The following KLHL36 variants were observed in gnomAD, a reference collection of about 807,000 sequenced individuals.
KLHL36 encodes the protein kelch-like protein 36.
A neutral mutation model predicts 53.3 loss-of-function variants in KLHL36; 35 were observed. The ratio of observed to expected loss-of-function variants is 0.66; its 90% CI spans 0.50 to 0.87. The LOEUF (loss-of-function observed/expected upper bound fraction) is 0.87, where lower values mean the gene tolerates loss of function less well. KLHL36 is among the 40% of genes least tolerant of loss of function. The pLI is 0.00. For synonymous variants in KLHL36, 472 were observed against 398.9 expected (o/e 1.18, Z -2.18); for missense variants, 864 against 897.6 (o/e 0.96, Z 0.48).
chr16:84,652,666 C>T (rs191205249), intron 2 of KLHL36, among the ~76,000 whole-genome samples: 2 of 152,218 alleles, frequency 1.3e-5, no homozygotes, highest in African/African-American at 4.8e-5. Flanking sequence ...AAACAGAATA[C>T]TACCAAACCC....
intron 3 of KLHL36, chr16:84,658,838 T>C (rs1432037646): frequency 1.3e-5 from 2 of 152,156 alleles, no homozygotes; most frequent in African/African-American, 2.4e-5. Flanking sequence ...AGCTGACCTT[T>C]TGATTTTACT....
In KLHL36 at chr16:84,663,168, C is replaced by T. The variant is rs556463476; in HGVS notation, c.*1035C>T. 3.9e-5 allele frequency: 6 copies of T among 152,370 alleles called. No individual in the cohort carries two copies. The highest frequency in any genetic ancestry group is 1.4e-4 in the African/African-American group (6 of 41,574). The allele number at this position is 152,370 out of a possible 1,614,324, so 9.4% of individuals were successfully genotyped here. On this transcript the variant is annotated 3_prime_UTR_variant, in exon 5 of 5. Coordinates refer to ENST00000564996, the MANE Select transcript of KLHL36 (RefSeq NM_024731.4). ...GGGCTCCCTAACTCCCACGCCAGGT[C>T]CTGCCCCAGTTTTCTGCTTCTAAGT...
At chr16:84,653,226 A>C (rs1216093890) in intron 2 of KLHL36, among the ~76,000 whole-genome samples, 2 of 152,078 alleles carry the variant, frequency 1.3e-5, no homozygotes, top group Non-Finnish European at 2.9e-5. Flanking sequence ...CAAAAAAAAA[A>C]AGTGTTGTTC....
At chr16:84,652,554 C>A (rs939452397) in intron 2 of KLHL36, among the ~76,000 whole-genome samples, 16 of 152,328 alleles carry the variant, frequency 1.1e-4, no homozygotes, top group African/African-American at 3.1e-4. Flanking sequence ...CAGGCGCGAG[C>A]CACCATGACT....
At chr16:84,651,195 G>C (rs1906852709) in intron 2 of KLHL36, among the ~76,000 whole-genome samples, 1 of 152,116 alleles carries the variant, frequency 6.6e-6, no homozygotes, top group Admixed American at 6.6e-5. Context: ...GTGACAACTT[G>C]ACTCATTCGT....
chr16:84,667,309 C>T lies in KLHL36; in HGVS notation c.*5176C>T, dbSNP rs1300917225. On this transcript the variant is annotated 3_prime_UTR_variant, in exon 5 of 5. Coordinates refer to ENST00000564996, the MANE Select transcript of KLHL36 (RefSeq NM_024731.4). ...AAATCATCAACCACTAGCCCCCTTT[C>T]AAAATCAGCGAGATATTTGATGATT... The T allele has an allele frequency of 6.6e-6, 1 of 152,192 alleles. No individual in the cohort carries two copies. The highest frequency in any genetic ancestry group is 1.9e-4 in the East Asian group (1 of 5,200). The allele number at this position is 152,192 out of a possible 1,614,324, so 9.4% of individuals were successfully genotyped here.
chr16:84,660,264 T>C (rs1367670694), intron 4 of KLHL36, among the ~76,000 whole-genome samples: 1 of 152,162 alleles, frequency 6.6e-6, no homozygotes, highest in African/African-American at 2.4e-5. Context: ...GTGCTAGATC[T>C]AAGCCTCAGG....
chr16:84,662,252 A>G lies in KLHL36; in HGVS notation c.*119A>G. 2 of 907,240 alleles carry G rather than the reference A, an allele frequency of 2.2e-6. No individual in the cohort carries two copies. Among genetic ancestry groups the G allele is most frequent in the Non-Finnish European group, 3.2e-6 (2 of 620,470 alleles). The allele number at this position is 907,240 out of a possible 1,614,324, so 56.2% of individuals were successfully genotyped here. A position where few individuals can be genotyped will look rare whatever the true frequency, so the allele number is the denominator to read the frequency against. ...CAACTTAGCAGCTTTTTTTACTTTTATGATTCTTGGTATTTCTATGATATC... is the reference window on the plus strand; with the variant it reads ...CAACTTAGCAGCTTTTTTTACTTTTGTGATTCTTGGTATTTCTATGATATC... On this transcript the variant is annotated 3_prime_UTR_variant, in exon 5 of 5. Coordinates refer to ENST00000564996, the MANE Select transcript of KLHL36 (RefSeq NM_024731.4).
chr16:84,653,945 G>A (rs1269136697), intron 2 of KLHL36, among the ~76,000 whole-genome samples: 3 of 152,058 alleles, frequency 2.0e-5, no homozygotes, highest in African/African-American at 7.2e-5. Flanking sequence ...ATTGTACCCG[G>A]GTACAGCATC....
chr16:84,653,670 GTC>G (rs1907034157), intron 2 of KLHL36, among the ~76,000 whole-genome samples: 1 of 151,964 alleles, frequency 6.6e-6, no homozygotes, highest in Admixed American at 6.6e-5. Context: ...GCAAAACCCT[GTC>G]TCTACTAAAA....
In KLHL36 at chr16:84,666,346, C is replaced by T. The variant is rs553935797; in HGVS notation, c.*4213C>T. 6.6e-6 allele frequency: 1 copy of T among 152,276 alleles called. No individual in the cohort carries two copies. Among genetic ancestry groups the T allele is most frequent in the Admixed American group, 6.5e-5 (1 of 15,300 alleles). The allele number at this position is 152,276 out of a possible 1,614,324, so 9.4% of individuals were successfully genotyped here. On this transcript the variant is annotated 3_prime_UTR_variant, in exon 5 of 5. Transcript: ENST00000564996. ...TGTCTTGGATCTTGCCCTTCTCCATCGCTGATGTGATACAGCTCTAGAATT... is the reference window on the plus strand; with the variant it reads ...TGTCTTGGATCTTGCCCTTCTCCATTGCTGATGTGATACAGCTCTAGAATT...
At chr16:84,655,801 G>C (rs1597217123) in intron 2 of KLHL36, among the ~76,000 whole-genome samples, 2 of 151,938 alleles carry the variant, frequency 1.3e-5, no homozygotes, top group South Asian at 2.1e-4. Context: ...CTTCAGGCTA[G>C]TGCCCAGCCA....
chr16:84,657,507 A>G lies in KLHL36; in HGVS notation c.700A>G (p.Asn234Asp). The change falls in exon 3 of 5, where the codon AAC becomes GAC. Residue 234 changes from asparagine (N) to aspartate (D), a missense_variant. Physicochemically the swap from Asn to Asp is conservative, Grantham distance 23. Transcript: ENST00000564996. ...GGCCCACGCCCGCCAGGTGCTGGAG[A>G]ACATCCACTTCCCGCTCATCCCCAA... ...REAHARQVLE[N>D]IHFPLIPKND... 1 of 1,609,290 alleles carries G rather than the reference A, an allele frequency of 6.2e-7. No individual in the cohort carries two copies. Among genetic ancestry groups the G allele is most frequent in the East Asian group, 2.2e-5 (1 of 44,854 alleles).
In KLHL36 at chr16:84,667,215, C is replaced by T. The variant is rs1179403263; in HGVS notation, c.*5082C>T. On this transcript the variant is annotated 3_prime_UTR_variant, in exon 5 of 5. Coordinates refer to ENST00000564996, the MANE Select transcript of KLHL36 (RefSeq NM_024731.4). ...AGGACACTCCACCTTTTCAAAGGTA[C>T]TTAAAGCCATCTTTACAGATTGCTT... The T allele has an allele frequency of 6.6e-6, 1 of 152,144 alleles. No homozygotes were observed. The highest frequency in any genetic ancestry group is 1.5e-5 in the Non-Finnish European group (1 of 68,040). The allele number at this position is 152,144 out of a possible 1,614,324, so 9.4% of individuals were successfully genotyped here. A position where few individuals can be genotyped will look rare whatever the true frequency, so the allele number is the denominator to read the frequency against.
chr16:84,653,444 ACT>A (rs1215688387), intron 2 of KLHL36, among the ~76,000 whole-genome samples: 1 of 151,778 alleles, frequency 6.6e-6, no homozygotes, highest in African/African-American at 2.4e-5. Flanking sequence ...AAATGCGGAA[ACT>A]CTGTTACCAA....
intron 2 of KLHL36, among the ~76,000 whole-genome samples, chr16:84,653,285 G>A (rs537528385): frequency 2.2e-4 from 34 of 152,076 alleles, no homozygotes; most frequent in Middle Eastern, 3.4e-3. Flanking sequence ...GGTACCTGCC[G>A]CCTCCTCCCA....
In KLHL36 at chr16:84,661,880, T is replaced by C. The variant is rs1374070291; in HGVS notation, c.1598T>C (p.Leu533Pro). Residue 533 changes from leucine (L) to proline (P), a missense_variant, in exon 5 of 5, where the codon CTG becomes CCG. By Grantham distance (98) the Leu-to-Pro change is moderately conservative (BLOSUM62 -3). Coordinates refer to ENST00000564996, the MANE Select transcript of KLHL36 (RefSeq NM_024731.4). The surrounding 1 kb of genome is among the most constrained non-coding windows in gnomAD (Gnocchi z 7.9). ...CAGTGGACCCGCGTGGCGCCGCTGC[T>C]GCACGCCAACAGCGAGTCGGGCGTG... ...CNQWTRVAPL[L>P]HANSESGVAV... The C allele has an allele frequency of 6.2e-7, 1 of 1,600,856 alleles. No individual in the cohort carries two copies. Among genetic ancestry groups the C allele is most frequent in the African/African-American group, 1.3e-5 (1 of 74,662 alleles).
At position 84,666,731 on chromosome 16, in the gene KLHL36, T is replaced by C. The variant is rs1389366717; in HGVS notation, c.*4598T>C. The C allele has an allele frequency of 2.0e-5, 3 of 152,218 alleles. No homozygotes were observed. Among genetic ancestry groups the C allele is most frequent in the African/African-American group, 7.2e-5 (3 of 41,458 alleles). The allele number at this position is 152,218 out of a possible 1,614,324, so 9.4% of individuals were successfully genotyped here. A position where few individuals can be genotyped will look rare whatever the true frequency, so the allele number is the denominator to read the frequency against. On this transcript the variant is annotated 3_prime_UTR_variant, in exon 5 of 5. Transcript: ENST00000564996. ...GGTTGTTAATTTCTTGTTTTTAACATGAACAGAATGTGTGGTTCTGAAGGT... is the reference window on the plus strand; with the variant it reads ...GGTTGTTAATTTCTTGTTTTTAACACGAACAGAATGTGTGGTTCTGAAGGT...
chr16:84,657,835 TG>T lies in KLHL36; in HGVS notation c.1034del (p.Gly345AlafsTer39). ...CGGAGCCACCACTGTGTCGCGGTGC[TG>T]GGGGGCTTCATCTTCATCGCCGGCG... ...ARRSHHCVAV[L>X]GGFIFIAGGS... is the part of the protein sequence containing the mutation. On this transcript the variant is annotated frameshift_variant, in exon 3 of 5. Coordinates refer to ENST00000564996, the MANE Select transcript of KLHL36 (RefSeq NM_024731.4). LOFTEE classifies it high-confidence loss of function. 6.2e-7 allele frequency: 1 copy of T among 1,600,686 alleles called. No individual in the cohort carries two copies. The highest frequency in any genetic ancestry group is 8.5e-7 in the Non-Finnish European group (1 of 1,171,602).
Sources: gnomAD v4.1 joint callset for allele counts (sites outside exome capture counted in the v4.1 genomes callset) on GRCh38, gnomAD v4.1.1 for gene constraint, Gnocchi (gnomAD v3.1) non-coding constraint, MANE v1.5 for transcripts, NCBI Gene and HGNC (gene_info 2026-07-23, HGNC 2026-07-21) for gene names.